The following PLEC variants were observed in gnomAD, a reference collection of about 807,000 sequenced individuals.
The protein encoded by PLEC is plectin, also known as hemidesmosomal protein 1.
A neutral mutation model predicts 392.8 loss-of-function variants in PLEC; 216 were observed. The ratio of observed to expected loss-of-function variants is 0.55; its 90% confidence interval spans 0.49 to 0.62. PLEC has a LOEUF of 0.62. PLEC is among the 20% of genes least tolerant of loss of function. The pLI is 0.00. For missense variants in PLEC, 6,863 were observed against 6,563.4 expected, an observed-to-expected ratio of 1.05 and a Z score of -1.58; for synonymous variants, 3,621 against 2,980.6, an observed-to-expected ratio of 1.21 and a Z score of -7.00.
rs781975776 is a variant in PLEC, at chr8:143,924,021, C to T, written c.5908G>A (p.Ala1970Thr). The T allele has an allele frequency of 1.6e-5, 26 of 1,589,524 alleles. No homozygotes were observed. The highest frequency in any genetic ancestry group is 6.7e-5 in the East Asian group (3 of 44,462). ...TCCGCCGCCAGCTGCCGCTGCCTCG[C>T]AGCCTCCAGCTCGGCCTGCTCCTTG... ...RSKEQAELEA[A>T]RQRQLAAEEE... is the part of the protein sequence containing the mutation. The change falls in exon 31 of 32, where the codon GCG becomes ACG. Residue 1970 changes from alanine to threonine, a missense_variant. Transcript: ENST00000345136.
Position 143,924,868 on chromosome 8 carries a change from C to T in PLEC, c.5061G>A (p.Arg1687=). 1 of 1,588,412 alleles carries T rather than the reference C, an allele frequency of 6.3e-7. No individual in the cohort carries two copies. The highest frequency in any genetic ancestry group is 8.5e-7 in the Non-Finnish European group (1 of 1,174,942). Residue 1687 remains arginine, a synonymous_variant, in exon 31 of 32, where the codon CGG becomes CGA. Transcript: ENST00000345136. ...TCTCCAGCTCTTGTTCAGCCAGCTC[C>T]CGCTGCCGGACGGCCTGCTCCTCCG... ...GKAEEQAVRQ[R]ELAEQELEKQ...
At chr8:143,964,320 T>C (rs1832989055) in intron 1 of PLEC, among the ~76,000 whole-genome samples, 1 of 152,136 alleles carries the variant, frequency 6.6e-6, no homozygotes, top group Non-Finnish European at 1.5e-5. Flanking sequence ...AAAAAGGGTC[T>C]TTGCAGGTGT....
rs371273735 is a variant in PLEC at position 143,932,441 on chromosome 8, C to T, written c.1936G>A (p.Asp646Asn). Residue 646 changes from aspartate (D) to asparagine (N), a missense_variant, in exon 16 of 32, where the codon GAC (aspartate) becomes AAC (asparagine). Coordinates refer to ENST00000345136, the MANE Select transcript of PLEC (RefSeq NM_201384.3). ...EEEEVGFDWS[D>N]RNTNMTAKKE... ...TTGGCGGTCATGTTGGTGTTGCGGT[C>T]GCTCCAGTCGAAGCCCACCTCCTCC... is the stretch of plus-strand genomic sequence containing the variant. The T allele has an allele frequency of 4.5e-5, 72 of 1,612,702 alleles. No individual in the cohort carries two copies. The highest frequency in any genetic ancestry group is 8.9e-5 in the East Asian group (4 of 44,884).
intron 11 of PLEC, 70 bp downstream of exon 11, chr8:143,934,248 A>C: frequency 2.5e-6 from 4 of 1,602,234 alleles, no homozygotes; most frequent in South Asian, 1.1e-5. Context: ...CGGGGCGGGG[A>C]GGGGGGTTTC....
upstream of PLEC, chr8:143,953,692 G>A (rs782731423): frequency 6.9e-5 from 110 of 1,600,620 alleles, no homozygotes; most frequent in Non-Finnish European, 9.1e-5. Context: ...TGTGGTCCGC[G>A]CCCCCCGGCT....
In PLEC at chr8:143,920,985, G is replaced by A. The variant is rs546852080; in HGVS notation, c.8836C>T (p.Arg2946Cys). The A allele has an allele frequency of 2.5e-5, 41 of 1,613,098 alleles. No homozygotes were observed. The highest frequency in any genetic ancestry group is 1.8e-4 in the South Asian group (16 of 91,080). The change falls in exon 32 of 32, where the codon CGC becomes TGC. Residue 2946 changes from arginine to cysteine, a missense_variant. By Grantham distance (180) the Arg-to-Cys change is radical. Coordinates refer to ENST00000345136, the MANE Select transcript of PLEC (RefSeq NM_201384.3). ...EQRRDLLRQF[R>C]TGRITVEKII... ...TTCTCCACTGTGATCCGGCCCGTGC[G>A]GAACTGCCGCAGCAGGTCCCGCCGC...
At chr8:143,965,965 C>T (rs1053860946) in intron 1 of PLEC, among the ~76,000 whole-genome samples, 5 of 152,160 alleles carry the variant, frequency 3.3e-5, no homozygotes, top group African/African-American at 4.8e-5. Context: ...TCCATGTCAC[C>T]GCTCTGTCCT....
chr8:143,931,639 C>A lies in PLEC; in HGVS notation c.2199G>T (p.Glu733Asp). The change falls in exon 19 of 32, where the codon GAG (glutamate) becomes GAT (aspartate). Residue 733 changes from glutamate to aspartate, a missense_variant. Coordinates refer to ENST00000345136, the MANE Select transcript of PLEC (RefSeq NM_201384.3). The stretch of plus-strand genomic sequence containing the variant: ...GCAGCTTCTGCAACTGCCCCTCGGC[C>A]TCCCGCACATCTGAGAAGAACTGGG... Reference protein sequence around the residue: ...AYFQFFSDVREAEGQLQKLQE... With the variant: ...AYFQFFSDVRDAEGQLQKLQE... The A allele has an allele frequency of 6.2e-7, 1 of 1,600,838 alleles. No individual in the cohort carries two copies. Among genetic ancestry groups the A allele is most frequent in the Non-Finnish European group, 8.5e-7 (1 of 1,174,392 alleles).
intron 3 of PLEC, 70 bp from the exon 4 acceptor site, chr8:143,937,312 A>G: frequency 8.5e-7 from 1 of 1,182,388 alleles, no homozygotes; most frequent in Non-Finnish European, 1.3e-6. Flanking sequence ...GCATGCCCCA[A>G]AGCGCCGCAG....
intron 1 of PLEC, among the ~76,000 whole-genome samples, chr8:143,968,735 C>G (rs1182983977): frequency 6.6e-6 from 1 of 152,140 alleles, no homozygotes; most frequent in African/African-American, 2.4e-5. Flanking sequence ...AAATGGCCAA[C>G]AATCACACCA....
rs375178454 is a variant in PLEC, at chr8:143,931,950, G to A, written c.2165C>T (p.Ala722Val). ...CCIEAHLKENAAYFQFFSDVR... is the reference protein window; with the variant it reads ...CCIEAHLKENVAYFQFFSDVR... ...TCCGGTTCTCACCTGAAAGTAGGCA[G>A]CGTTCTCCTTCAGGTGTGCCTCGAT... The change falls in exon 18 of 32, where the codon GCT becomes GTT. Residue 722 changes from alanine to valine, a missense_variant. Physicochemically the swap from Ala to Val is moderately conservative, Grantham distance 64. Transcript: ENST00000345136. 2.6e-4 allele frequency: 419 copies of A among 1,606,508 alleles called. No homozygotes were observed. The highest frequency in any genetic ancestry group is 5.1e-4 in the South Asian group (46 of 89,954).
upstream of PLEC, among the ~76,000 whole-genome samples, chr8:143,943,368 C>G (rs574964719): frequency 1.3e-5 from 2 of 152,372 alleles, no homozygotes; most frequent in East Asian, 3.9e-4. Flanking sequence ...CTGTGCGGCC[C>G]GAGGGCATGA....
At chr8:143,968,529 C>CAAAAAAAAAAG (rs1466735920) in intron 1 of PLEC, among the ~76,000 whole-genome samples, 1 of 63,712 alleles carries the variant, frequency 1.6e-5, no homozygotes, top group African/African-American at 7.0e-5. Flanking sequence ...AACTCCATCT[C>CAAAAAAAAAAG]AAAAAAAAAA....
intron 1 of PLEC, among the ~76,000 whole-genome samples, chr8:143,968,248 T>C (rs998654702): frequency 3.3e-5 from 5 of 151,720 alleles, no homozygotes; most frequent in African/African-American, 1.2e-4. Flanking sequence ...AGGAAAAAGA[T>C]AGATAAACTG....
intron 17 of PLEC, 38 bp downstream of exon 17, chr8:143,932,092 C>T (rs782261800): frequency 6.4e-7 from 1 of 1,556,142 alleles, no homozygotes; most frequent in South Asian, 1.2e-5. Context: ...CCCGGCACGG[C>T]CCCCCCCGCA....
At chr8:143,941,722 GACACACCCGCCCCACCCAGCCAGGCTAC>G (rs1830492900), upstream of PLEC, among the ~76,000 whole-genome samples, 1 of 80,366 alleles carries the variant, frequency 1.2e-5, no homozygotes, top group Admixed American at 1.6e-4. Flanking sequence ...AAAACCAACA[GACACACCCGCCCCACCCAGCCAGGCTAC>G]ACCCACCCTC....
At chr8:143,939,002 C>CA (rs1177997013) in intron 1 of PLEC, among the ~76,000 whole-genome samples, 2 of 152,064 alleles carry the variant, frequency 1.3e-5, no homozygotes, top group African/African-American at 4.8e-5. Flanking sequence ...GCAGTCCCCC[C>CA]CGGCCTCTAC....
chr8:143,943,820 C>G (rs1554730569), upstream of PLEC: 1 of 1,612,420 alleles, frequency 6.2e-7, no homozygotes, highest in Admixed American at 1.7e-5. Context: ...GCGCCAGTGC[C>G]ACACAGCGGC....
chr8:143,927,491 G>A lies in PLEC; in HGVS notation c.3675C>T (p.Asp1225=), dbSNP rs781868453. 68 of 1,596,866 alleles carry A rather than the reference G, an allele frequency of 4.3e-5. No individual in the cohort carries two copies. Among genetic ancestry groups the A allele is most frequent in the Admixed American group, 1.5e-4 (9 of 59,812 alleles). Residue 1225 remains aspartate (D), a synonymous_variant, in exon 27 of 32, where the codon GAC becomes GAT. Coordinates refer to ENST00000345136, the MANE Select transcript of PLEC (RefSeq NM_201384.3). The stretch of plus-strand genomic sequence containing the variant: ...GGATCTGCTCCTGCCGCCGCCTGGC[G>A]TCCTGCAGCCAGGCGCCCAAGGGGT... The part of the protein sequence containing the change: ...SADPLGAWLQ[D]ARRRQEQIQA...
Sources: allele counts gnomAD v4.1 joint callset (sites outside exome capture counted in the v4.1 genomes callset), GRCh38; gene constraint gnomAD v4.1.1; transcripts MANE v1.5; gene names NCBI Gene and HGNC (gene_info 2026-07-23, HGNC 2026-07-21).